ROBO2: variants seen among roughly 807,000 people sequenced by gnomAD.
ROBO2 encodes the protein roundabout guidance receptor 2.
Under a neutral mutation model 160.8 loss-of-function variants are expected in ROBO2, and 53 were observed. That is an observed-to-expected ratio of 0.33 (90% CI 0.26 to 0.41). The LOEUF is 0.41. Among genes scored for constraint, ROBO2 ranks in the 10% least tolerant of loss-of-function variants. The pLI, the probability that ROBO2 is intolerant of heterozygous loss-of-function variation, is 1.00. For missense variants in ROBO2, 1,577 were observed against 1,722.4 expected, an observed-to-expected ratio of 0.92 and a Z score of 1.49; for synonymous variants, 664 against 611.7, an observed-to-expected ratio of 1.09 and a Z score of -1.26.
intron 13 of ROBO2, among the ~76,000 whole-genome samples, chr3:77,574,146 A>C (rs2153670402): frequency 6.6e-6 from 1 of 152,144 alleles, no homozygotes; most frequent in African/African-American, 2.4e-5. Context: ...GATGCAGAAA[A>C]TGGGTAAGCA....
intron 2 of ROBO2, among the ~76,000 whole-genome samples, chr3:76,686,680 G>C (rs2092692915): frequency 6.6e-6 from 1 of 152,054 alleles, no homozygotes; most frequent in Non-Finnish European, 1.5e-5. Flanking sequence ...TTCACAGCCA[G>C]GTATACTGGC....
intron 2 of ROBO2, among the ~76,000 whole-genome samples, chr3:76,784,541 A>G (rs2062854491): frequency 6.6e-6 from 1 of 151,176 alleles, no homozygotes; most frequent in African/African-American, 2.4e-5. Context: ...GATCTGTTCA[A>G]TGTCCAAGAT....
chr3:76,587,069 CA>C (rs2086088925), intron 2 of ROBO2, among the ~76,000 whole-genome samples: 1 of 152,150 alleles, frequency 6.6e-6, no homozygotes, highest in African/African-American at 2.4e-5. Context: ...CTTCATCTGC[CA>C]CCAAACAAGG....
chr3:75,979,421 T>C (rs1425045319), intron 2 of ROBO2, among the ~76,000 whole-genome samples: 2 of 151,428 alleles, frequency 1.3e-5, no homozygotes, highest in Non-Finnish European at 3.0e-5. Context: ...CAGGAGAGAA[T>C]AGGATCAGCC....
intron 2 of ROBO2, among the ~76,000 whole-genome samples, chr3:76,318,171 T>C (rs1189704721): frequency 6.6e-6 from 1 of 152,062 alleles, no homozygotes; most frequent in African/African-American, 2.4e-5. Flanking sequence ...AAAGTAGGTA[T>C]ATTAAAGTAG....
At chr3:77,250,943 T>C (rs1352248329) in intron 2 of ROBO2, among the ~76,000 whole-genome samples, 1 of 152,136 alleles carries the variant, frequency 6.6e-6, no homozygotes, top group African/African-American at 2.4e-5. Flanking sequence ...GGAGATTAAG[T>C]TTCTATAACA....
chr3:76,989,404 A>C (rs2060548193), intron 2 of ROBO2, among the ~76,000 whole-genome samples: 1 of 152,104 alleles, frequency 6.6e-6, no homozygotes, highest in African/African-American at 2.4e-5. Flanking sequence ...TAATGAGCAT[A>C]AACTATACAT....
intron 2 of ROBO2, among the ~76,000 whole-genome samples, chr3:75,998,111 T>G (rs1455961440): frequency 6.6e-6 from 1 of 152,220 alleles, no homozygotes; most frequent in Non-Finnish European, 1.5e-5. Flanking sequence ...TCATTCTATA[T>G]CTACATAAAA....
chr3:76,071,187 T>C (rs2068441606), intron 2 of ROBO2, among the ~76,000 whole-genome samples: 1 of 152,206 alleles, frequency 6.6e-6, no homozygotes, highest in Admixed American at 6.5e-5. Flanking sequence ...TAATTTGTGA[T>C]TACTGTTTAT....
At chr3:76,765,806 A>G (rs1177785778) in intron 2 of ROBO2, among the ~76,000 whole-genome samples, 2 of 151,690 alleles carry the variant, frequency 1.3e-5, no homozygotes, top group East Asian at 2.0e-4. Flanking sequence ...GGTGCAAACT[A>G]TTAAGCCAAG....
At chr3:76,911,276 C>G (rs1381390735) in intron 2 of ROBO2, among the ~76,000 whole-genome samples, 1 of 152,130 alleles carries the variant, frequency 6.6e-6, no homozygotes, top group Non-Finnish European at 1.5e-5. Context: ...CATAACCTTT[C>G]CTTTTTACCT....
At chr3:76,720,982 G>A (rs749351224) in intron 2 of ROBO2, among the ~76,000 whole-genome samples, 7 of 152,088 alleles carry the variant, frequency 4.6e-5, no homozygotes, top group Non-Finnish European at 7.4e-5. Flanking sequence ...TTTAGTGCAC[G>A]TATATGATTG....
chr3:77,412,096 T>C (rs2076849411), intron 2 of ROBO2, among the ~76,000 whole-genome samples: 1 of 152,172 alleles, frequency 6.6e-6, no homozygotes, highest in Non-Finnish European at 1.5e-5. Context: ...TTAACTTGCA[T>C]GGAATTCTAA....
intron 2 of ROBO2, among the ~76,000 whole-genome samples, chr3:77,147,324 TGCCCACTTGAG>T (rs2077200147): frequency 6.6e-6 from 1 of 152,110 alleles, no homozygotes; most frequent in Non-Finnish European, 1.5e-5. Flanking sequence ...GGAGCACTGG[TGCCCACTTGAG>T]GGGGCCCTAA....
chr3:76,241,167 C>T (rs1705260026), intron 2 of ROBO2, among the ~76,000 whole-genome samples: 2 of 152,182 alleles, frequency 1.3e-5, no homozygotes, highest in Non-Finnish European at 2.9e-5. Context: ...ATTCCCCACT[C>T]ACAGGTATTT....
intron 2 of ROBO2, among the ~76,000 whole-genome samples, chr3:77,320,908 A>C (rs977082491): frequency 6.6e-6 from 1 of 152,150 alleles, no homozygotes; most frequent in Non-Finnish European, 1.5e-5. Context: ...AAAGTTTAGA[A>C]ATCTTTTCAG....
chr3:76,595,726 A>C (rs1392116790), intron 2 of ROBO2, among the ~76,000 whole-genome samples: 1 of 152,110 alleles, frequency 6.6e-6, no homozygotes, highest in Non-Finnish European at 1.5e-5. Flanking sequence ...TATGAACATA[A>C]GAATTCCAAA....
At chr3:77,248,777 CT>C (rs56271044) in intron 2 of ROBO2, among the ~76,000 whole-genome samples, 47,016 of 141,448 alleles carry the variant, frequency 0.33, 8,269 homozygotes, top group East Asian at 0.76. Context: ...ATCACTTGCT[CT>C]TTTTTTTTTT....
At chr3:76,856,880 A>T (rs2148584479) in intron 2 of ROBO2, among the ~76,000 whole-genome samples, 1 of 152,356 alleles carries the variant, frequency 6.6e-6, no homozygotes, top group East Asian at 1.9e-4. Flanking sequence ...CAACATATAC[A>T]TTTAATAATC....
Sources: allele counts gnomAD v4.1 joint callset (sites outside exome capture counted in the v4.1 genomes callset), GRCh38; gene constraint gnomAD v4.1.1; transcripts MANE v1.5; gene names NCBI Gene and HGNC (gene_info 2026-07-23, HGNC 2026-07-21).